Variants in NRXN1 observed in about 807,000 individuals in gnomAD.
NRXN1 encodes the protein neurexin 1.
NRXN1 carries 39 observed loss-of-function variants against 150.9 expected under a neutral mutation model. The ratio of observed to expected loss-of-function variants is 0.26; its 90% CI spans 0.20 to 0.34. NRXN1 has a LOEUF of 0.34. Ranked by LOEUF, NRXN1 falls within the 10% of genes least tolerant of loss-of-function variation. The pLI is 1.00. For synonymous variants in NRXN1, 924 were observed against 757.0 expected, an observed-to-expected ratio of 1.22 and a Z score of -3.62; for missense variants, 1,815 against 1,949.9, an observed-to-expected ratio of 0.93 and a Z score of 1.30.
chr2:50,001,667 T>A (rs1683952206), intron 21 of NRXN1, among the ~76,000 whole-genome samples: 1 of 152,062 alleles, frequency 6.6e-6, no homozygotes, highest in Non-Finnish European at 1.5e-5. Context: ...AAAAACGAAA[T>A]GGGTTAATAA....
At chr2:50,613,539 T>A (rs1384977121) in intron 8 of NRXN1, among the ~76,000 whole-genome samples, 1 of 152,236 alleles carries the variant, frequency 6.6e-6, no homozygotes, top group African/African-American at 2.4e-5. Context: ...ATTGAGCATC[T>A]GCTGCGTATC....
At chr2:50,115,531 T>G (rs1372663731) in intron 18 of NRXN1, among the ~76,000 whole-genome samples, 1 of 151,962 alleles carries the variant, frequency 6.6e-6, no homozygotes, top group South Asian at 2.1e-4. Context: ...CTTATTATGG[T>G]GAATAACTTC....
chr2:50,647,156 T>C (rs372970163), intron 5 of NRXN1, among the ~76,000 whole-genome samples: 74 of 151,968 alleles, frequency 4.9e-4, no homozygotes, highest in African/African-American at 1.7e-3. Flanking sequence ...TTTAGACTTG[T>C]TGTTTAGGTC....
At chr2:50,374,708 T>C (rs1390959703) in intron 17 of NRXN1, among the ~76,000 whole-genome samples, 2 of 152,174 alleles carry the variant, frequency 1.3e-5, no homozygotes, top group Non-Finnish European at 1.5e-5. Flanking sequence ...GTGATCTTTA[T>C]GTGATGAAAT....
intron 18 of NRXN1, among the ~76,000 whole-genome samples, chr2:50,098,417 G>A (rs1424979186): frequency 6.6e-6 from 1 of 152,028 alleles, no homozygotes; most frequent in East Asian, 1.9e-4. Context: ...ACTGCCATGG[G>A]AGCAAACCAG....
intron 15 of NRXN1, among the ~76,000 whole-genome samples, chr2:50,488,171 C>G (rs1452723647): frequency 6.6e-6 from 1 of 152,126 alleles, no homozygotes; most frequent in South Asian, 2.1e-4. Flanking sequence ...ACTTTTTGAG[C>G]CTTTGATATC....
In NRXN1 at chr2:50,538,347, G is replaced by T. The variant is rs201255327; in HGVS notation, c.2049C>A (p.Asn683Lys). ...TGCACATGCCATTGTTTTTGCAAGGGTTGCTAAGGCACGGTTTTGCTGTTT... is the reference window on the plus strand; with the variant it reads ...TGCACATGCCATTGTTTTTGCAAGGTTTGCTAAGGCACGGTTTTGCTGTTT... ...SKETAKPCLS[N>K]PCKNNGMCRD... is the part of the protein sequence containing the mutation. Residue 683 changes from asparagine (N) to lysine (K), a missense_variant, in exon 10 of 23, where the codon AAC becomes AAA. Asn to Lys is a moderately conservative substitution (Grantham distance 94). Around this residue, in one of 6 missense-constraint regions of NRXN1, gnomAD observed 638 missense variants for 652.6 expected, o/e 0.98. Coordinates refer to ENST00000401669, the MANE Select transcript of NRXN1 (RefSeq NM_001330078.2). 4.3e-6 allele frequency: 7 copies of T among 1,613,830 alleles called. No individual in the cohort carries two copies. Among genetic ancestry groups the T allele is most frequent in the East Asian group, 2.2e-5 (1 of 44,882 alleles).
chr2:50,352,968 G>T (rs1338365661), intron 17 of NRXN1, among the ~76,000 whole-genome samples: 1 of 151,764 alleles, frequency 6.6e-6, no homozygotes, highest in Non-Finnish European at 1.5e-5. Context: ...GATATAGATT[G>T]GTGAATTCAG....
chr2:50,606,967 A>C (rs971994338), intron 8 of NRXN1, among the ~76,000 whole-genome samples: 4 of 152,132 alleles, frequency 2.6e-5, no homozygotes, highest in Non-Finnish European at 5.9e-5. Context: ...AAGTGAAAAA[A>C]TGCTGCATTT....
At chr2:50,406,775 C>G (rs748215333) in intron 17 of NRXN1, among the ~76,000 whole-genome samples, 12 of 152,222 alleles carry the variant, frequency 7.9e-5, no homozygotes, top group Non-Finnish European at 1.5e-4. Context: ...GACTCTCTTC[C>G]ATGTACCTTT....
At chr2:50,137,400 G>A (rs570646642) in intron 18 of NRXN1, among the ~76,000 whole-genome samples, 1 of 152,140 alleles carries the variant, frequency 6.6e-6, no homozygotes, top group Non-Finnish European at 1.5e-5. Flanking sequence ...GACCAGTCTA[G>A]GGAAAGTTCA....
chr2:50,377,177 T>C (rs750940535), intron 17 of NRXN1, among the ~76,000 whole-genome samples: 3 of 152,136 alleles, frequency 2.0e-5, no homozygotes, highest in South Asian at 2.1e-4. Flanking sequence ...GGTGGTTTGC[T>C]GCACCTATCA....
intron 18 of NRXN1, among the ~76,000 whole-genome samples, chr2:50,167,069 T>C (rs1197816183): frequency 6.6e-6 from 1 of 152,096 alleles, no homozygotes; most frequent in Non-Finnish European, 1.5e-5. Flanking sequence ...TCTCAAAATA[T>C]TTGTAAAAAT....
intron 5 of NRXN1, among the ~76,000 whole-genome samples, chr2:50,779,622 G>A (rs935513761): frequency 9.9e-5 from 15 of 152,030 alleles, no homozygotes; most frequent in Non-Finnish European, 5.9e-5. Context: ...CAAAAAATTA[G>A]CTGGGCGTGG....
At chr2:50,410,014 A>G (rs149802388) in intron 17 of NRXN1, among the ~76,000 whole-genome samples, 1 of 152,158 alleles carries the variant, frequency 6.6e-6, no homozygotes, top group African/African-American at 2.4e-5. Flanking sequence ...CCCTACGTGA[A>G]CCCTTTACTC....
chr2:50,887,819 T>G (rs1680478275), intron 5 of NRXN1, among the ~76,000 whole-genome samples: 1 of 151,536 alleles, frequency 6.6e-6, no homozygotes, highest in Admixed American at 6.6e-5. Context: ...AAGGTGCTCT[T>G]TAGTAATCAT....
At chr2:50,699,123 T>C (rs1693371657) in intron 5 of NRXN1, among the ~76,000 whole-genome samples, 1 of 152,166 alleles carries the variant, frequency 6.6e-6, no homozygotes, top group Non-Finnish European at 1.5e-5. Flanking sequence ...CACAAAATGA[T>C]AGCAGGATCT....
chr2:50,772,065 G>A (rs534833361), intron 5 of NRXN1, among the ~76,000 whole-genome samples: 1 of 152,128 alleles, frequency 6.6e-6, no homozygotes, highest in South Asian at 2.1e-4. Context: ...AATACCAGGT[G>A]ACTGGAGTAC....
intron 5 of NRXN1, among the ~76,000 whole-genome samples, chr2:50,715,731 C>T (rs1695784512): frequency 6.6e-6 from 1 of 152,122 alleles, no homozygotes; most frequent in African/African-American, 2.4e-5. Context: ...ATGAAAAATT[C>T]TTGATGATCT....
Sources: gnomAD v4.1 joint callset for allele counts (sites outside exome capture counted in the v4.1 genomes callset) on GRCh38, gnomAD v4.1.1 for gene constraint, gnomAD v4.1.1 regional missense constraint, MANE v1.5 for transcripts, NCBI Gene and HGNC (gene_info 2026-07-23, HGNC 2026-07-21) for gene names.